DCHS2: variants seen among roughly 807,000 people sequenced by gnomAD.
DCHS2 encodes the protein dachsous cadherin-related 2.
DCHS2 carries 142 observed loss-of-function variants against 182.4 expected under a neutral mutation model. That is an observed-to-expected ratio of 0.78 (90% CI 0.68 to 0.89). The LOEUF is 0.89. Ranked by LOEUF, DCHS2 falls within the 40% of genes least tolerant of loss-of-function variation. The pLI, the probability that DCHS2 is intolerant of heterozygous loss-of-function variation, is 0.00. For synonymous variants in DCHS2, 1,740 were observed against 1,663.3 expected, an observed-to-expected ratio of 1.05 and a Z score of -1.12; for missense variants, 4,319 against 4,198.6, an observed-to-expected ratio of 1.03 and a Z score of -0.79.
At position 154,305,203 on chromosome 4, in the gene DCHS2, G is replaced by A; in HGVS notation, c.5289C>T (p.Ile1763=). The stretch of plus-strand genomic sequence containing the variant: ...ATAATTCAAATGAAGCACCTGGCAT[G>A]ATTTCAAACTGAAGCTTGGAATTGA... ...SGVNSKLQFE[I]MPGASFELFE... Residue 1763 remains isoleucine (I), a synonymous_variant, in exon 11 of 20, where the codon ATC becomes ATT. Coordinates refer to ENST00000357232, the MANE Select transcript of DCHS2 (RefSeq NM_001358235.2). 1 of 1,611,580 alleles carries A rather than the reference G, an allele frequency of 6.2e-7. No homozygotes were observed. The highest frequency in any genetic ancestry group is 1.7e-5 in the Admixed American group (1 of 59,636).
At chr4:154,391,550 G>T (rs961558980) in intron 1 of DCHS2, among the ~76,000 whole-genome samples, 1 of 152,142 alleles carries the variant, frequency 6.6e-6, no homozygotes, top group Non-Finnish European at 1.5e-5. Flanking sequence ...CTAGGAGAGG[G>T]ACCATATGCA....
At chr4:154,355,746 A>G (rs1301040245) in intron 3 of DCHS2, 1 of 152,102 alleles carries the variant, frequency 6.6e-6, no homozygotes, top group African/African-American at 2.4e-5. Context: ...GGAGCTAAAA[A>G]ATTCCTGTTA....
At chr4:154,259,413 T>C in intron 15 of DCHS2, 132 bp downstream of exon 15, 1 of 1,436,450 alleles carries the variant, frequency 7.0e-7, no homozygotes, top group Middle Eastern at 2.6e-4. Context: ...GTACATGGCC[T>C]GGAAAGAGTG....
chr4:154,333,034 T>G lies in DCHS2; in HGVS notation c.3174A>C (p.Gln1058His). ...GCAGGGCTGCCTGAGGATGCACGCC[T>G]TGGTCCTCGGCCCTGAGAGTCAGCG... ...ELTLTLRAED[Q>H]GVHPQAALLV... The change falls in exon 5 of 20, where the codon CAA becomes CAC. Residue 1058 changes from glutamine (Q) to histidine (H), a missense_variant. Transcript: ENST00000357232. The G allele has an allele frequency of 1.2e-6, 2 of 1,614,150 alleles. No individual in the cohort carries two copies. Among genetic ancestry groups the G allele is most frequent in the Non-Finnish European group, 1.7e-6 (2 of 1,179,998 alleles).
At chr4:154,387,155 T>C (rs897598462) in intron 1 of DCHS2, among the ~76,000 whole-genome samples, 1 of 152,206 alleles carries the variant, frequency 6.6e-6, no homozygotes, top group African/African-American at 2.4e-5. Context: ...CAATAGCATG[T>C]TTTTATTGCC....
At chr4:154,475,943 G>A (rs1735663313) in intron 1 of DCHS2, among the ~76,000 whole-genome samples, 1 of 152,028 alleles carries the variant, frequency 6.6e-6, no homozygotes, top group African/African-American at 2.4e-5. Context: ...CTTTCCTCTT[G>A]CTGTGTCTCA....
chr4:154,375,636 C>T lies in DCHS2; in HGVS notation c.2244+1617G>A, dbSNP rs535725156. ...AAAACCCCAGTGTGATATATCATTA[C>T]ATAAGTACTATTATTTCTATAATAA... On this transcript the variant is annotated intron_variant, in intron 2 of 19. Transcript: ENST00000357232. Among the ~76,000 whole-genome samples, 7 of 152,088 alleles carry T rather than the reference C, an allele frequency of 4.6e-5. No homozygotes were observed. The East Asian group carries it at 1.2e-3, about 25-fold the overall frequency.
chr4:154,484,795 G>T lies in DCHS2; in HGVS notation c.2052+4509C>A, dbSNP rs112911351. Among the ~76,000 whole-genome samples, 5 of 152,232 alleles carry T rather than the reference G, an allele frequency of 3.3e-5. 1 individual carries two copies. The highest frequency in any genetic ancestry group is 1.2e-4 in the African/African-American group (5 of 41,528). On this transcript the variant is annotated intron_variant, in intron 1 of 19. Coordinates refer to ENST00000357232, the MANE Select transcript of DCHS2 (RefSeq NM_001358235.2). ...CTGGAGTTTAGTTGTTACTAAAATC[G>T]ATTTATTGTAAGATTTCAATCCTCA...
chr4:154,491,094 C>T lies in DCHS2; in HGVS notation c.262G>A (p.Ala88Thr). ...TGCTGCTGCGCGGCCGGCAGCCCGG[C>T]GCGGATGTCACCTACCAGCGTGTCC... The part of the protein sequence containing the change: ...PPDTLVGDIR[A>T]GLPAAQQQEG... Residue 88 changes from alanine to threonine, a missense_variant, in exon 1 of 20, where the codon GCC (alanine) becomes ACC (threonine). Transcript: ENST00000357232. 1.3e-6 allele frequency: 2 copies of T among 1,551,338 alleles called. No homozygotes were observed. Among genetic ancestry groups the T allele is most frequent in the Non-Finnish European group, 1.7e-6 (2 of 1,146,954 alleles).
intron 1 of DCHS2, among the ~76,000 whole-genome samples, chr4:154,435,332 C>T (rs1184124169): frequency 1.3e-5 from 2 of 152,164 alleles, no homozygotes; most frequent in Non-Finnish European, 2.9e-5. Context: ...CGCGGTGGCT[C>T]ATGCCTGTAA....
intron 10 of DCHS2, among the ~76,000 whole-genome samples, chr4:154,310,727 G>A (rs896272627): frequency 1.6e-4 from 24 of 152,246 alleles, no homozygotes; most frequent in African/African-American, 5.8e-4. Flanking sequence ...GAACTCATTG[G>A]CTTTCACCCA....
intron 3 of DCHS2, chr4:154,355,687 G>A (rs1729826975): frequency 6.6e-6 from 1 of 152,052 alleles, no homozygotes; most frequent in Non-Finnish European, 1.5e-5. Flanking sequence ...TGACATTTTG[G>A]TCAACAACGG....
chr4:154,287,233 G>A (rs904061719), intron 13 of DCHS2, among the ~76,000 whole-genome samples: 3 of 152,080 alleles, frequency 2.0e-5, no homozygotes, highest in African/African-American at 7.2e-5. Context: ...AGAAAGAAAA[G>A]GACATTAATG....
intron 1 of DCHS2, among the ~76,000 whole-genome samples, chr4:154,472,731 G>C (rs1466747085): frequency 1.3e-5 from 2 of 151,820 alleles, no homozygotes; most frequent in African/African-American, 4.8e-5. Context: ...AAATATGTAG[G>C]TTTCAGAGAT....
At chr4:154,360,073 AGTC>A (rs1730046686) in intron 3 of DCHS2, among the ~76,000 whole-genome samples, 1 of 152,052 alleles carries the variant, frequency 6.6e-6, no homozygotes, top group Non-Finnish European at 1.5e-5. Context: ...TCTTTGAGTA[AGTC>A]ACTAAGAATT....
At chr4:154,353,309 C>A (rs867598540) in intron 3 of DCHS2, among the ~76,000 whole-genome samples, 4 of 151,744 alleles carry the variant, frequency 2.6e-5, no homozygotes, top group Non-Finnish European at 4.4e-5. Flanking sequence ...AAAAAACACA[C>A]AAAAAATCAG....
intron 16 of DCHS2, among the ~76,000 whole-genome samples, chr4:154,252,330 T>C (rs1364931335): frequency 6.6e-6 from 1 of 152,206 alleles, no homozygotes; most frequent in Non-Finnish European, 1.5e-5. Context: ...CCAAATCTTT[T>C]AGTTATTTTT....
intron 9 of DCHS2, among the ~76,000 whole-genome samples, chr4:154,317,643 G>A (rs1735910622): frequency 6.6e-6 from 1 of 150,590 alleles, no homozygotes; most frequent in African/African-American, 2.5e-5. Context: ...TGAATAAGAT[G>A]AGAGTTTATT....
At chr4:154,458,322 T>C (rs940482583) in intron 1 of DCHS2, among the ~76,000 whole-genome samples, 4 of 152,172 alleles carry the variant, frequency 2.6e-5, no homozygotes, top group African/African-American at 9.7e-5. Context: ...CATTATGGAA[T>C]CAAGTTACTT....
Sources: gnomAD v4.1 joint callset for allele counts (sites outside exome capture counted in the v4.1 genomes callset) on GRCh38, gnomAD v4.1.1 for gene constraint, MANE v1.5 for transcripts, NCBI Gene and HGNC (gene_info 2026-07-23, HGNC 2026-07-21) for gene names.